The following KCP variants were observed in gnomAD, a reference collection of about 807,000 sequenced individuals.
KCP encodes kielin cysteine rich BMP regulator, also known as kielin/chordin-like protein.
KCP carries 194 observed loss-of-function variants against 212.7 expected under a neutral mutation model. That is an observed-to-expected ratio of 0.91 (90% CI 0.81 to 1.03). The LOEUF is 1.03. Among genes scored for constraint, KCP ranks in the 50% least tolerant of loss-of-function variants. KCP has a pLI of 0.00. For missense variants in KCP, 2,080 were observed against 2,162.5 expected (o/e 0.96, Z 0.76); for synonymous variants, 833 against 865.3 (o/e 0.96, Z 0.65).
At chr7:128,900,971 A>G (rs1437988222) in intron 8 of KCP, among the ~76,000 whole-genome samples, 1 of 152,236 alleles carries the variant, frequency 6.6e-6, no homozygotes, top group Non-Finnish European at 1.5e-5. Context: ...GCATTCCCAG[A>G]TGGTTAGGCA....
intron 7 of KCP, chr7:128,903,243 A>C: frequency 3.7e-6 from 1 of 271,714 alleles, no homozygotes. Flanking sequence ...CCCTTCACCA[A>C]GCTAACTTTT....
rs773397573 is a variant in KCP at position 128,906,274 on chromosome 7, C to T, written c.571+5G>A. ...AGGTGGGGCTGAGACTGGCAGGAGG[C>T]TGACCTGGCTTACAGTGCGGGCAGC... On this transcript the variant is annotated splice_donor_5th_base_variant and intron_variant, in intron 5 of 39. Transcript: ENST00000610776. 8 of 1,549,748 alleles carry T rather than the reference C, an allele frequency of 5.2e-6. No individual in the cohort carries two copies. The highest frequency in any genetic ancestry group is 7.0e-6 in the Non-Finnish European group (8 of 1,145,418).
Position 128,880,881 on chromosome 7 carries a change from C to T in KCP, c.3513+116G>A, listed in dbSNP as rs949014068. On this transcript the variant is annotated intron_variant, in intron 32 of 39. Transcript: ENST00000610776. Reference sequence around the variant, plus strand: ...AAATCCAGCCTTCGGCTCCATGCCCCGGTGCAGGGATGCCCCTGACCCTTA... The same window carrying T: ...AAATCCAGCCTTCGGCTCCATGCCCTGGTGCAGGGATGCCCCTGACCCTTA... 12 of 399,828 alleles carry T rather than the reference C, an allele frequency of 3.0e-5. No individual in the cohort carries two copies. In the South Asian group the frequency reaches 5.2e-4, roughly 17 times the overall value. 24.8% of individuals were successfully genotyped at this position (399,828 alleles called of 1,614,324 possible).
At chr7:128,900,148 G>T (rs1478660815) in intron 8 of KCP, among the ~76,000 whole-genome samples, 3 of 152,114 alleles carry the variant, frequency 2.0e-5, no homozygotes, top group Non-Finnish European at 4.4e-5. Context: ...CAATTTCAAA[G>T]AGCTTATATA....
chr7:128,877,120 G>A lies in KCP; in HGVS notation c.4810C>T (p.Pro1604Ser). 4.6e-6 allele frequency: 7 copies of A among 1,511,226 alleles called. No individual in the cohort carries two copies. The highest frequency in any genetic ancestry group is 6.2e-6 in the Non-Finnish European group (7 of 1,132,564). The allele number at this position is 1,511,226 out of a possible 1,614,324, so 93.6% of individuals were successfully genotyped here. ...EAHCIPPEAC[P>S]QVLLTGDQPL... ...TGGTCTCCAGTGAGCAGGACTTGGG[G>A]GCAGGCCTCGGGTGGGATGCAGTGG... The change falls in exon 40 of 40, where the codon CCC becomes TCC. Residue 1604 changes from proline (P) to serine (S), a missense_variant. Pro to Ser is a moderately conservative substitution (Grantham distance 74, BLOSUM62 -1). Transcript: ENST00000610776.
rs756766821 is a variant in KCP, at chr7:128,879,769, C to G, written c.3993G>C (p.Ala1331=). ...GCACGGCCATGTCTCCCAGCAGCAC[C>G]GCCACCTCCTGGGTCCAGGCCACAC... ...RSGVAWTQEV[A]VLLGDMAVRL... is the part of the protein sequence containing the mutation. The change falls in exon 36 of 40, where the codon GCG becomes GCC. Residue 1331 remains alanine (A), a synonymous_variant. Coordinates refer to ENST00000610776, the MANE Select transcript of KCP (RefSeq NM_001366122.1). 4 of 1,550,470 alleles carry G rather than the reference C, an allele frequency of 2.6e-6. No homozygotes were observed. The highest frequency in any genetic ancestry group is 3.5e-6 in the Non-Finnish European group (4 of 1,146,992).
Position 128,892,755 on chromosome 7 carries a change from C to T in KCP, c.1460G>A (p.Ser487Asn), listed in dbSNP as rs764461237. 7.1e-6 allele frequency: 11 copies of T among 1,551,616 alleles called. No individual in the cohort carries two copies. The highest frequency in any genetic ancestry group is 1.7e-4 in the Middle Eastern group (1 of 6,012). Reference protein sequence around the residue: ...CPSCDSCTYHSQVYANGQNFT... With the variant: ...CPSCDSCTYHNQVYANGQNFT... ...GTTCTGCCCATTGGCATACACTTGG[C>T]TGTGGTAGGTGCAGCTGTCACAGCT... Residue 487 changes from serine (S) to asparagine (N), a missense_variant, in exon 15 of 40, where the codon AGC becomes AAC. Transcript: ENST00000610776.
intron 28 of KCP, 49 bp from the exon 29 acceptor site, chr7:128,884,171 A>G (rs558655971): frequency 2.8e-5 from 42 of 1,505,060 alleles, no homozygotes; most frequent in Middle Eastern, 2.2e-4. Context: ...AAAAACCCAG[A>G]GCTGCCCTTG....
Sources: allele counts gnomAD v4.1 joint callset (sites outside exome capture counted in the v4.1 genomes callset), GRCh38; gene constraint gnomAD v4.1.1; transcripts MANE v1.5; gene names NCBI Gene and HGNC (gene_info 2026-07-23, HGNC 2026-07-21).